Variants in PGM5 observed in about 807,000 individuals in gnomAD.
PGM5 encodes phosphoglucomutase 5.
PGM5 carries 23 observed loss-of-function variants against 59.2 expected under a neutral mutation model. The ratio of observed to expected loss-of-function variants is 0.39; its 90% CI spans 0.28 to 0.55. The LOEUF is 0.55. Ranked by LOEUF, PGM5 falls within the 20% of genes least tolerant of loss-of-function variation. The pLI is 0.66. For synonymous variants in PGM5, 214 were observed against 286.0 expected (o/e 0.75, Z 2.54); for missense variants, 574 against 748.3 (o/e 0.77, Z 2.72).
Position 68,516,035 on chromosome 9 carries a change from T to C in PGM5, c.1615-13532T>C, listed in dbSNP as rs528334771. Among the ~76,000 whole-genome samples, 8 of 152,336 alleles carry C rather than the reference T, an allele frequency of 5.3e-5. No individual in the cohort carries two copies. In the East Asian group the frequency reaches 9.6e-4, roughly 18 times the overall value. On this transcript the variant is annotated intron_variant, in intron 10 of 10. Transcript: ENST00000396396. ...TCATTCTCACCACAATCCAATGCTATAGGTAGTCATGCTATCCATCCATGT... is the reference window on the plus strand; with the variant it reads ...TCATTCTCACCACAATCCAATGCTACAGGTAGTCATGCTATCCATCCATGT...
chr9:68,515,023 A>G (rs1554689617), intron 10 of PGM5, among the ~76,000 whole-genome samples: 2 of 152,234 alleles, frequency 1.3e-5, no homozygotes, highest in Non-Finnish European at 2.9e-5. Context: ...ATTCAAAATA[A>G]CAGTGGATGA....
Position 68,479,538 on chromosome 9 carries a change from G to A in PGM5, c.1280G>A (p.Arg427His), listed in dbSNP as rs782325316. The A allele has an allele frequency of 7.4e-6, 12 of 1,613,838 alleles. No homozygotes were observed. The South Asian group carries it at 8.8e-5, about 12-fold the overall frequency. The change falls in exon 8 of 11, where the codon CGC (arginine) becomes CAC (histidine). Residue 427 changes from arginine (R) to histidine (H), a missense_variant. By Grantham distance (29) the Arg-to-His change is conservative (BLOSUM62 0). Coordinates refer to ENST00000396396, the MANE Select transcript of PGM5 (RefSeq NM_021965.4). Reference sequence around the variant, plus strand: ...CGAGATCACTGGGCCAAATTTGGCCGCCACTACTATTGCAGGTGAGGAGAA... The same window carrying A: ...CGAGATCACTGGGCCAAATTTGGCCACCACTACTATTGCAGGTGAGGAGAA... ...IVRDHWAKFG[R>H]HYYCRFDYEG...
intron 6 of PGM5, among the ~76,000 whole-genome samples, chr9:68,412,872 T>G (rs1312149905): frequency 6.6e-6 from 1 of 152,176 alleles, no homozygotes; most frequent in African/African-American, 2.4e-5. Flanking sequence ...TAAGGAGAAA[T>G]CCAGTTGCAT....
intron 6 of PGM5, chr9:68,397,558 A>G (rs570872668): frequency 2.0e-5 from 3 of 152,312 alleles, no homozygotes; most frequent in East Asian, 1.9e-4. Context: ...TGCCACCCCT[A>G]TGGTTCACCA....
chr9:68,359,028 T>A (rs1471981873), intron 1 of PGM5, among the ~76,000 whole-genome samples: 5 of 152,224 alleles, frequency 3.3e-5, no homozygotes, highest in African/African-American at 1.2e-4. Flanking sequence ...GCTCTCATAC[T>A]TCTTCCCGAG....
chr9:68,431,217 C>A (rs1823341175), intron 6 of PGM5, among the ~76,000 whole-genome samples: 1 of 152,170 alleles, frequency 6.6e-6, no homozygotes, highest in Non-Finnish European at 1.5e-5. Flanking sequence ...CATCTGGAGC[C>A]CTTGTTCTCC....
At chr9:68,470,297 C>A (rs565831230) in intron 7 of PGM5, among the ~76,000 whole-genome samples, 6 of 152,316 alleles carry the variant, frequency 3.9e-5, no homozygotes, top group African/African-American at 1.2e-4. Context: ...TTCTTACTGA[C>A]TTTAGCATAG....
intron 9 of PGM5, among the ~76,000 whole-genome samples, chr9:68,485,033 A>G (rs1319480881): frequency 6.6e-6 from 1 of 152,174 alleles, no homozygotes; most frequent in African/African-American, 2.4e-5. Context: ...CTCGGAAACC[A>G]TTCCTTCAAG....
intron 10 of PGM5, among the ~76,000 whole-genome samples, chr9:68,507,008 T>A (rs571203606): frequency 3.9e-5 from 6 of 152,226 alleles, no homozygotes; most frequent in African/African-American, 1.4e-4. Context: ...AAATTCAATT[T>A]TAAAAATAAA....
chr9:68,410,586 A>T (rs1554681542), intron 6 of PGM5, among the ~76,000 whole-genome samples: 1 of 152,112 alleles, frequency 6.6e-6, no homozygotes, highest in African/African-American at 2.4e-5. Flanking sequence ...GGAGGAGAGG[A>T]GGAATATCTA....
Position 68,473,006 on chromosome 9 carries a change from C to CT in PGM5, c.1160-6404dup, listed in dbSNP as rs200965830. 6.2e-3 allele frequency among the ~76,000 whole-genome samples: 943 copies of CT among 152,010 alleles called. 5 individuals are homozygous for CT. The highest frequency in any genetic ancestry group is 0.022 in the African/African-American group (895 of 41,472). On this transcript the variant is annotated intron_variant, in intron 7 of 10. Transcript: ENST00000396396. ...TATTTTTTTAAGCATAGAAAGGTGACTTTTTTTTCAGTGAGCCTTGCTTTT... is the reference window on the plus strand; with the variant it reads ...TATTTTTTTAAGCATAGAAAGGTGACTTTTTTTTTCAGTGAGCCTTGCTTTT...
At chr9:68,501,673 A>T (rs1188082153) in intron 10 of PGM5, among the ~76,000 whole-genome samples, 1 of 152,216 alleles carries the variant, frequency 6.6e-6, no homozygotes, top group Non-Finnish European at 1.5e-5. Context: ...ATCTGCAGAG[A>T]TTCCATTGCT....
intron 6 of PGM5, among the ~76,000 whole-genome samples, chr9:68,448,590 T>G (rs538887419): frequency 2.0e-5 from 3 of 152,212 alleles, no homozygotes; most frequent in Non-Finnish European, 4.4e-5. Flanking sequence ...GCAGTGATTT[T>G]CAAAGCAGCT....
intron 10 of PGM5, among the ~76,000 whole-genome samples, chr9:68,516,355 T>C (rs1324527529): frequency 6.6e-6 from 1 of 152,174 alleles, no homozygotes; most frequent in Non-Finnish European, 1.5e-5. Flanking sequence ...AGGTGTGGTC[T>C]CTCTTTCAGT....
rs186071655 is a variant in PGM5 at position 68,420,213 on chromosome 9, A to G, written c.1043+27740A>G. ...TGTTCCTCCCAGCAGCAAACCTCTGAGGCTTGGTGTGGCTCAAAGACAGAG... is the reference window on the plus strand; with the variant it reads ...TGTTCCTCCCAGCAGCAAACCTCTGGGGCTTGGTGTGGCTCAAAGACAGAG... On this transcript the variant is annotated intron_variant, in intron 6 of 10. Transcript: ENST00000396396. Among the ~76,000 whole-genome samples the G allele has an allele frequency of 1.8e-4, 27 of 152,224 alleles. No homozygotes were observed. The East Asian group carries it at 4.8e-3, about 27-fold the overall frequency.
intron 6 of PGM5, among the ~76,000 whole-genome samples, chr9:68,430,408 A>G (rs769204348): frequency 6.6e-5 from 10 of 152,284 alleles, no homozygotes; most frequent in Admixed American, 1.3e-4. Context: ...ATTCTGTTAA[A>G]GTAAACTCAA....
At chr9:68,416,913 A>G (rs527688954) in intron 6 of PGM5, among the ~76,000 whole-genome samples, 245 of 152,360 alleles carry the variant, frequency 1.6e-3, no homozygotes, top group Non-Finnish European at 2.6e-3. Flanking sequence ...TAAAATATAC[A>G]TCTGCTACAA....
chr9:68,417,489 G>A (rs552743303), intron 6 of PGM5, among the ~76,000 whole-genome samples: 1 of 152,258 alleles, frequency 6.6e-6, no homozygotes, highest in South Asian at 2.1e-4. Context: ...TATCCTGGAT[G>A]ATCCATGTCA....
chr9:68,369,106 A>G (rs1446050506), intron 1 of PGM5, among the ~76,000 whole-genome samples: 1 of 152,254 alleles, frequency 6.6e-6, no homozygotes, highest in Non-Finnish European at 1.5e-5. Flanking sequence ...GTGGAAGAAT[A>G]TTCAGTGACA....
Sources: allele counts gnomAD v4.1 joint callset (sites outside exome capture counted in the v4.1 genomes callset), GRCh38; gene constraint gnomAD v4.1.1; transcripts MANE v1.5; gene names NCBI Gene and HGNC (gene_info 2026-07-23, HGNC 2026-07-21).